Variants in TTC34 observed in about 807,000 individuals in gnomAD.
The protein encoded by TTC34 is tetratricopeptide repeat domain 34.
Under a neutral mutation model 40.7 loss-of-function variants are expected in TTC34, and 44 were observed. That is an observed-to-expected ratio of 1.08 (90% CI 0.85 to 1.39). The LOEUF (loss-of-function observed/expected upper bound fraction) is 1.39. TTC34 is among the 40% of genes most tolerant of loss of function. The pLI is 0.00. For synonymous variants in TTC34, 422 were observed against 398.6 expected (o/e 1.06, Z -0.70); for missense variants, 884 against 838.0 (o/e 1.05, Z -0.68).
intron 6 of TTC34, among the ~76,000 whole-genome samples, chr1:2,653,286 A>C (rs1157394122): frequency 1.6e-4 from 23 of 144,182 alleles, no homozygotes; most frequent in African/African-American, 5.8e-4. Flanking sequence ...AGCACCCTGC[A>C]CCCCCAGGTG....
At chr1:2,691,307 G>C (rs1640607138) in intron 6 of TTC34, among the ~76,000 whole-genome samples, 1 of 92,482 alleles carries the variant, frequency 1.1e-5, no homozygotes, top group Non-Finnish European at 2.4e-5. Context: ...CACAACCCCA[G>C]GCGAGCATCC....
At position 2,800,290 on chromosome 1, in the gene TTC34, G is replaced by A. The variant is rs369746938; in HGVS notation, c.538C>T (p.Gln180Ter). 83 of 398,672 alleles carry A rather than the reference G, an allele frequency of 2.1e-4. 1 individual carries two copies. Among genetic ancestry groups the A allele is most frequent in the East Asian group, 1.7e-3 (49 of 28,058 alleles). 24.7% of individuals were successfully genotyped at this position (398,672 alleles called of 1,614,324 possible). Residue 180 changes from glutamine (Q) to a stop codon, truncating the protein, a stop_gained, in exon 2 of 9, where the codon CAG becomes TAG. Transcript: ENST00000401095. LOFTEE classifies it high-confidence loss of function. Reference sequence around the variant, plus strand: ...AGCAGCGCGGGGAGGTGGGGCCGCTGGTGGGTGCGAATGAAAGCTACCGTC... The same window carrying A: ...AGCAGCGCGGGGAGGTGGGGCCGCTAGTGGGTGCGAATGAAAGCTACCGTC...
At chr1:2,666,192 A>C (rs1377114848) in intron 6 of TTC34, among the ~76,000 whole-genome samples, 534 of 35,628 alleles carry the variant, frequency 0.015, no homozygotes, top group Middle Eastern at 0.048. Flanking sequence ...ATCTGACAGC[A>C]TGTAACAGCA....
chr1:2,750,145 C>T (rs1229348372), intron 6 of TTC34, among the ~76,000 whole-genome samples: 15 of 135,756 alleles, frequency 1.1e-4, no homozygotes, highest in African/African-American at 4.0e-4. Flanking sequence ...CATCCGACAG[C>T]GTGGAGCAGA....
At position 2,645,546 on chromosome 1, in the gene TTC34, G is replaced by A. The variant is rs573008055; in HGVS notation, c.2244C>T (p.Ile748=). Residue 748 remains isoleucine, a synonymous_variant, in exon 7 of 9, where the codon ATC becomes ATT. Transcript: ENST00000401095. The surrounding 1 kb of genome is among the most constrained non-coding windows in gnomAD (Gnocchi z 4.7). ...CGGGGCCGAGCTTCAGAGCAGAGAC[G>A]ATGTCGTCCACGGCTTCCTGCAAGG... 6.7e-6 allele frequency: 7 copies of A among 1,039,816 alleles called. No homozygotes were observed. The highest frequency in any genetic ancestry group is 3.7e-5 in the African/African-American group (2 of 54,686). The allele number at this position is 1,039,816 out of a possible 1,614,324, so 64.4% of individuals were successfully genotyped here.
rs1390406803 is a variant in TTC34 at position 2,761,009 on chromosome 1, G to C, written c.2226+22600C>G. ...GCCTGGAGCAGCGCTCACACCCAGA[G>C]GTGAGCATATGACCACCTGGAGCAG... is the stretch of plus-strand genomic sequence containing the variant. On this transcript the variant is annotated intron_variant, in intron 6 of 8. Coordinates refer to ENST00000401095, the Ensembl canonical transcript of TTC34. Among the ~76,000 whole-genome samples the C allele has an allele frequency of 5.5e-5, 4 of 73,118 alleles. 2 individuals are homozygous for C. The highest frequency in any genetic ancestry group is 9.4e-5 in the Non-Finnish European group (4 of 42,486). 48.0% of individuals were successfully genotyped at this position (73,118 alleles called of 152,430 possible). A position where few individuals can be genotyped will look rare whatever the true frequency, so the allele number is the denominator to read the frequency against.
At position 2,796,164 on chromosome 1, in the gene TTC34, A is replaced by G. The variant is rs1352243625; in HGVS notation, c.784+3880T>C. Among the ~76,000 whole-genome samples the G allele has an allele frequency of 6.6e-6, 1 of 152,150 alleles. No homozygotes were observed. The highest frequency in any genetic ancestry group is 1.5e-5 in the Non-Finnish European group (1 of 68,026). On this transcript the variant is annotated intron_variant, in intron 2 of 8. Coordinates refer to ENST00000401095, the Ensembl canonical transcript of TTC34. This position sits in a 1 kb window ranked among gnomAD's most constrained non-coding sequence, Gnocchi z 4.5. ...GTTGGGGCCTTGGTTTTGGGCTTCC[A>G]GCGTCCAGAACTGGAGCTCATTCAT...
intron 4 of TTC34, 100 bp from the exon 5 acceptor site, chr1:2,786,123 G>A (rs1643585416): frequency 8.9e-7 from 1 of 1,126,566 alleles, no homozygotes; most frequent in Non-Finnish European, 1.2e-6. Flanking sequence ...CACCCTCACT[G>A]CCCCAGGGTC....
chr1:2,688,331 CCCAGG>C (rs1640466661), intron 6 of TTC34, among the ~76,000 whole-genome samples: 5 of 150,206 alleles, frequency 3.3e-5, no homozygotes, highest in African/African-American at 9.9e-5. Context: ...ACCCCACACC[CCCAGG>C]TGAGCATCGG....
chr1:2,782,971 G>A (rs761484619), intron 6 of TTC34, among the ~76,000 whole-genome samples: 1 of 152,184 alleles, frequency 6.6e-6, no homozygotes, highest in Non-Finnish European at 1.5e-5. Flanking sequence ...TAAACAAACA[G>A]AACAGAAACC....
At chr1:2,787,914 T>C (rs1643613327) in intron 3 of TTC34, among the ~76,000 whole-genome samples, 1 of 152,158 alleles carries the variant, frequency 6.6e-6, no homozygotes, top group South Asian at 2.1e-4. Flanking sequence ...TCTCCTACCC[T>C]GTGGGAGGTG....
At chr1:2,749,952 A>T (rs1340231942) in intron 6 of TTC34, among the ~76,000 whole-genome samples, 1 of 14,994 alleles carries the variant, frequency 6.7e-5, no homozygotes, top group African/African-American at 3.7e-4. Flanking sequence ...ACGGCCTGGA[A>T]CAGCACACAC....
intron 6 of TTC34, among the ~76,000 whole-genome samples, chr1:2,761,974 T>G (rs1224570817): frequency 8.8e-5 from 1 of 11,426 alleles, no homozygotes; most frequent in Non-Finnish European, 1.5e-4. Context: ...CACACAACCT[T>G]AGGCGAGCAT....
chr1:2,685,211 A>T, intron 6 of TTC34, among the ~76,000 whole-genome samples: 1 of 139,672 alleles, frequency 7.2e-6, no homozygotes, highest in Non-Finnish European at 1.5e-5. Flanking sequence ...CCAGGTGAGC[A>T]TCTGACATCG....
chr1:2,637,804 G>A (rs936114811), exon 9 of TTC34: 15 of 152,194 alleles, frequency 9.9e-5, no homozygotes, highest in African/African-American at 3.4e-4. Flanking sequence ...TGAGAGCCTC[G>A]GGGCTGCTGC....
chr1:2,641,911 A>G lies in TTC34; in HGVS notation c.2713-16T>C. On this transcript the variant is annotated splice_polypyrimidine_tract_variant and intron_variant, in intron 8 of 8. Transcript: ENST00000401095. ...GGGCCGCCGCCTGCACAGAGGACACAGAGAGAGGCAGGGAGAGTGGGGTCA... is the reference window on the plus strand; with the variant it reads ...GGGCCGCCGCCTGCACAGAGGACACGGAGAGAGGCAGGGAGAGTGGGGTCA... 2 of 1,456,968 alleles carry G rather than the reference A, an allele frequency of 1.4e-6. No individual in the cohort carries two copies. The highest frequency in any genetic ancestry group is 2.8e-5 in the South Asian group (2 of 71,892). The allele number at this position is 1,456,968 out of a possible 1,614,324, so 90.3% of individuals were successfully genotyped here. A position where few individuals can be genotyped will look rare whatever the true frequency, so the allele number is the denominator to read the frequency against.
chr1:2,782,736 T>C (rs924245726), intron 6 of TTC34, among the ~76,000 whole-genome samples: 1 of 152,258 alleles, frequency 6.6e-6, no homozygotes, highest in African/African-American at 2.4e-5. Context: ...TGATTTCTTC[T>C]GTGATCCATT....
chr1:2,684,869 C>G (rs968406257), intron 6 of TTC34, among the ~76,000 whole-genome samples: 3 of 119,546 alleles, frequency 2.5e-5, no homozygotes, highest in Admixed American at 1.7e-4. Flanking sequence ...CCTGGAGCAG[C>G]ACCCACACCC....
chr1:2,783,306 C>A (rs1195457369), intron 6 of TTC34, among the ~76,000 whole-genome samples: 2 of 152,192 alleles, frequency 1.3e-5, no homozygotes, highest in African/African-American at 2.4e-5. Context: ...CCCAGAGGGA[C>A]CCCTGCATGC....
Sources: gnomAD v4.1 joint callset for allele counts (sites outside exome capture counted in the v4.1 genomes callset) on GRCh38, gnomAD v4.1.1 for gene constraint, Gnocchi (gnomAD v3.1) non-coding constraint, MANE v1.5 for transcripts, NCBI Gene and HGNC (gene_info 2026-07-23, HGNC 2026-07-21) for gene names.